Variants in PLCL1 observed in about 807,000 individuals in gnomAD.
PLCL1 encodes phospholipase C like 1 (inactive).
A neutral mutation model predicts 84.4 loss-of-function variants in PLCL1; 41 were observed. The observed-to-expected ratio is 0.49, with a 90% CI of 0.38 to 0.63. The LOEUF (loss-of-function observed/expected upper bound fraction) is 0.63. Among genes scored for constraint, PLCL1 ranks in the 30% least tolerant of loss-of-function variants. PLCL1 has a pLI of 0.00. For synonymous variants in PLCL1, 490 were observed against 488.3 expected (o/e 1.00, Z -0.05); for missense variants, 1,206 against 1,367.8 (o/e 0.88, Z 1.87).
At chr2:197,961,984 A>G (rs1013746876) in intron 1 of PLCL1, among the ~76,000 whole-genome samples, 2 of 152,114 alleles carry the variant, frequency 1.3e-5, no homozygotes, top group Non-Finnish European at 2.9e-5. Context: ...TTTGAGTAAT[A>G]TAAGTGATCA....
intron 1 of PLCL1, among the ~76,000 whole-genome samples, chr2:197,833,835 C>CA (rs1168452022): frequency 2.6e-5 from 4 of 151,956 alleles, no homozygotes; most frequent in African/African-American, 9.7e-5. Context: ...CATATGGAAC[C>CA]AAAAAAGAGC....
intron 5 of PLCL1, among the ~76,000 whole-genome samples, chr2:198,112,779 T>C (rs1202151141): frequency 6.6e-6 from 1 of 151,786 alleles, no homozygotes; most frequent in Non-Finnish European, 1.5e-5. Context: ...AGGGGCAAAA[T>C]AGGGATGAAG....
intron 1 of PLCL1, among the ~76,000 whole-genome samples, chr2:197,904,870 CA>C (rs1688345544): frequency 6.6e-6 from 1 of 152,082 alleles, no homozygotes; most frequent in Non-Finnish European, 1.5e-5. Flanking sequence ...AGTCAATTAT[CA>C]AAAGTATTAT....
chr2:197,877,076 A>T (rs1023712319), intron 1 of PLCL1, among the ~76,000 whole-genome samples: 1 of 152,128 alleles, frequency 6.6e-6, no homozygotes, highest in Non-Finnish European at 1.5e-5. Context: ...GCCTAACCAA[A>T]TTTCAGCAAA....
At chr2:198,146,031 T>C (rs1185600371) in intron 5 of PLCL1, among the ~76,000 whole-genome samples, 1 of 152,176 alleles carries the variant, frequency 6.6e-6, no homozygotes, top group African/African-American at 2.4e-5. Context: ...GTATACGCAC[T>C]TTATCTTCAT....
At chr2:198,038,450 G>A (rs139924249) in intron 1 of PLCL1, among the ~76,000 whole-genome samples, 102 of 152,110 alleles carry the variant, frequency 6.7e-4, no homozygotes, top group African/African-American at 2.4e-3. Context: ...ATAGTTCATG[G>A]CTGGGAACAA....
intron 5 of PLCL1, among the ~76,000 whole-genome samples, chr2:198,123,314 T>TA (rs1693914809): frequency 6.6e-6 from 1 of 152,090 alleles, no homozygotes; most frequent in African/African-American, 2.4e-5. Context: ...GGTTGACTGT[T>TA]ATGGACTTGA....
At chr2:198,030,791 C>T (rs1691394411) in intron 1 of PLCL1, among the ~76,000 whole-genome samples, 1 of 152,120 alleles carries the variant, frequency 6.6e-6, no homozygotes, top group South Asian at 2.1e-4. Flanking sequence ...GCGGAATTCT[C>T]ACTGACATGT....
At chr2:198,140,058 T>C (rs1694348242) in intron 5 of PLCL1, among the ~76,000 whole-genome samples, 1 of 152,084 alleles carries the variant, frequency 6.6e-6, no homozygotes, top group African/African-American at 2.4e-5. Context: ...CTCAGCCTCC[T>C]GAGTAGCTGG....
intron 1 of PLCL1, among the ~76,000 whole-genome samples, chr2:197,887,660 C>T (rs1337581392): frequency 4.6e-5 from 7 of 151,976 alleles, no homozygotes; most frequent in Non-Finnish European, 1.0e-4. Context: ...TATTGGTAAT[C>T]GTGAAATCTG....
At chr2:198,013,908 A>G (rs1355207520) in intron 1 of PLCL1, among the ~76,000 whole-genome samples, 1 of 152,058 alleles carries the variant, frequency 6.6e-6, no homozygotes, top group African/African-American at 2.4e-5. Flanking sequence ...TAAAATCTTA[A>G]TGTTGTTTGT....
intron 1 of PLCL1, among the ~76,000 whole-genome samples, chr2:197,964,873 A>C (rs1235292895): frequency 4.1e-4 from 62 of 152,116 alleles, no homozygotes. Context: ...TTCTATTGAT[A>C]TATCACATTG....
At chr2:197,872,222 T>G (rs1427462203) in intron 1 of PLCL1, among the ~76,000 whole-genome samples, 1 of 152,152 alleles carries the variant, frequency 6.6e-6, no homozygotes, top group Admixed American at 6.6e-5. Flanking sequence ...CTTAATTTAC[T>G]TTTAGGTAGC....
At chr2:198,134,913 G>C (rs1694218113) in intron 5 of PLCL1, among the ~76,000 whole-genome samples, 2 of 152,138 alleles carry the variant, frequency 1.3e-5, no homozygotes, top group African/African-American at 4.8e-5. Context: ...TTTTGTTCTG[G>C]CATGTTTGCA....
chr2:198,000,933 A>C (rs1338974181), intron 1 of PLCL1, among the ~76,000 whole-genome samples: 1 of 152,148 alleles, frequency 6.6e-6, no homozygotes, highest in Non-Finnish European at 1.5e-5. Context: ...AGTCATCATG[A>C]CTAAATTAAC....
chr2:198,059,818 A>G (rs910744991), intron 1 of PLCL1, among the ~76,000 whole-genome samples: 1 of 152,222 alleles, frequency 6.6e-6, no homozygotes, highest in African/African-American at 2.4e-5. Context: ...CAAACAGAGT[A>G]GGAAAGAGAT....
chr2:198,046,263 A>G (rs1691788042), intron 1 of PLCL1, among the ~76,000 whole-genome samples: 1 of 152,228 alleles, frequency 6.6e-6, no homozygotes. Flanking sequence ...CTGAAAAAAA[A>G]TTTCAACTAA....
At chr2:197,830,615 A>T (rs1691036707) in intron 1 of PLCL1, among the ~76,000 whole-genome samples, 1 of 152,178 alleles carries the variant, frequency 6.6e-6, no homozygotes, top group Non-Finnish European at 1.5e-5. Flanking sequence ...ATTATCCAGG[A>T]GAACTTCCCC....
At position 197,890,843 on chromosome 2, in the gene PLCL1, GC is replaced by G. The variant is rs1273329474; in HGVS notation, c.240+85505del. Among the ~76,000 whole-genome samples, 88 of 20,180 alleles carry G rather than the reference GC, an allele frequency of 4.4e-3. 2 individuals carry two copies. The African/African-American group carries it at 0.053, about 12-fold the overall frequency. 13.2% of individuals were successfully genotyped at this position (20,180 alleles called of 152,430 possible). A position where few individuals can be genotyped will look rare whatever the true frequency, so the allele number is the denominator to read the frequency against. On this transcript the variant is annotated intron_variant, in intron 1 of 5. Coordinates refer to ENST00000428675, the MANE Select transcript of PLCL1 (RefSeq NM_006226.4). ...TATATACATATATGCATATATATAT[GC>G]ACGCATATATATGTGTATATATACA...
Sources: gnomAD v4.1 joint callset for allele counts (sites outside exome capture counted in the v4.1 genomes callset) on GRCh38, gnomAD v4.1.1 for gene constraint, MANE v1.5 for transcripts, NCBI Gene and HGNC (gene_info 2026-07-23, HGNC 2026-07-21) for gene names.